Variants in CMTM7 observed in about 807,000 individuals in gnomAD.
The protein encoded by CMTM7 is CKLF like MARVEL transmembrane domain containing 7.
CMTM7 carries 7 observed loss-of-function variants against 19.3 expected under a neutral mutation model. The ratio of observed to expected loss-of-function variants is 0.36; its 90% confidence interval spans 0.21 to 0.68. The LOEUF (loss-of-function observed/expected upper bound fraction) is 0.68, where lower values mean the gene tolerates loss of function less well. CMTM7 is among the 30% of genes least tolerant of loss of function. The pLI is 0.60. For synonymous variants in CMTM7, 87 were observed against 99.3 expected (o/e 0.88, Z 0.74); for missense variants, 193 against 232.6 (o/e 0.83, Z 1.11).
At chr3:32,426,561 G>T (rs914775119) in intron 1 of CMTM7, among the ~76,000 whole-genome samples, 1 of 151,908 alleles carries the variant, frequency 6.6e-6, no homozygotes, top group Admixed American at 6.6e-5. Flanking sequence ...TTAGGGTGGC[G>T]GAAGGGGTGG....
At chr3:32,409,693 G>A (rs2125624432) in intron 1 of CMTM7, among the ~76,000 whole-genome samples, 1 of 152,338 alleles carries the variant, frequency 6.6e-6, no homozygotes, top group South Asian at 2.1e-4. Context: ...ATTAAAGTCA[G>A]TTTGGTGGGA....
intron 4 of CMTM7, among the ~76,000 whole-genome samples, chr3:32,453,709 T>C (rs1696868979): frequency 6.6e-6 from 1 of 152,174 alleles, no homozygotes; most frequent in Non-Finnish European, 1.5e-5. Context: ...CTAATGAGGA[T>C]GAGGCTTCTT....
intron 1 of CMTM7, 77 bp downstream of exon 1, chr3:32,392,142 G>A (rs1695845054): frequency 2.7e-6 from 3 of 1,121,578 alleles, no homozygotes; most frequent in Non-Finnish European, 3.4e-6. Context: ...CGGACGCGCC[G>A]GGCGTCTGGA....
In CMTM7 at chr3:32,392,179, G is replaced by A. The variant is rs959228047; in HGVS notation, c.159+114G>A. On this transcript the variant is annotated intron_variant, in intron 1 of 4. Transcript: ENST00000334983. ...CCGGCCGGAGCCCAGGGAGCATCGC[G>A]CAGCGGGCGGGGCACCGCGTCGCTA... The A allele has an allele frequency of 4.8e-5, 40 of 827,496 alleles. No homozygotes were observed. In the East Asian group the frequency reaches 1.3e-3, roughly 27 times the overall value. The allele number at this position is 827,496 out of a possible 1,614,324, so 51.3% of individuals were successfully genotyped here. A position where few individuals can be genotyped will look rare whatever the true frequency, so the allele number is the denominator to read the frequency against.
chr3:32,432,552 C>T (rs1388880707), intron 1 of CMTM7, among the ~76,000 whole-genome samples: 1 of 152,222 alleles, frequency 6.6e-6, no homozygotes, highest in East Asian at 1.9e-4. Flanking sequence ...GAAGAGGTGC[C>T]TGCTGAGCCG....
chr3:32,408,500 G>C (rs1696120968), intron 1 of CMTM7, among the ~76,000 whole-genome samples: 1 of 152,126 alleles, frequency 6.6e-6, no homozygotes, highest in South Asian at 2.1e-4. Context: ...TTTTTTCCTT[G>C]ATAGCTTATT....
chr3:32,450,968 A>G (rs974879324), intron 3 of CMTM7: 1 of 152,256 alleles, frequency 6.6e-6, no homozygotes, highest in African/African-American at 2.4e-5. Context: ...GACAAGACAC[A>G]TGAAACAATT....
intron 3 of CMTM7, 34 bp from the exon 4 acceptor site, chr3:32,452,358 C>T (rs763344615): frequency 5.0e-6 from 8 of 1,613,994 alleles, no homozygotes; most frequent in Non-Finnish European, 6.8e-6. Context: ...AGCCCTATGG[C>T]CTGTGAACTT....
chr3:32,450,666 AAG>A (rs1339103702), intron 3 of CMTM7, among the ~76,000 whole-genome samples: 1 of 152,100 alleles, frequency 6.6e-6, no homozygotes, highest in Non-Finnish European at 1.5e-5. Flanking sequence ...GCTGTCTCTG[AAG>A]AGAGGGATGG....
intron 1 of CMTM7, among the ~76,000 whole-genome samples, chr3:32,436,501 C>T (rs1696600434): frequency 6.6e-6 from 1 of 152,212 alleles, no homozygotes; most frequent in Non-Finnish European, 1.5e-5. Flanking sequence ...TCATCTGCAT[C>T]TCTGACTTTC....
rs1559417314 is a variant in CMTM7, at chr3:32,454,731, ATGTGGTCAGCC to A, written c.*481_*491del. On this transcript the variant is annotated 3_prime_UTR_variant, in exon 5 of 5. Transcript: ENST00000334983. ...AGTGAGGCGTGCCTGTAGAAACACT[ATGTGGTCAGCC>A]TGTCCCCAAGGAGATCTTGTGTCTC... 3.1e-6 allele frequency: 1 copy of A among 327,276 alleles called. No homozygotes were observed. Among genetic ancestry groups the A allele is most frequent in the Non-Finnish European group, 6.1e-6 (1 of 164,314 alleles). 20.3% of individuals were successfully genotyped at this position (327,276 alleles called of 1,614,324 possible).
At chr3:32,445,669 T>A (rs1394644730) in intron 2 of CMTM7, among the ~76,000 whole-genome samples, 1 of 152,062 alleles carries the variant, frequency 6.6e-6, no homozygotes, top group Non-Finnish European at 1.5e-5. Flanking sequence ...TGCACCACCA[T>A]GCCTGGCTAA....
chr3:32,398,709 C>T (rs1415239400), intron 1 of CMTM7, among the ~76,000 whole-genome samples: 1 of 151,602 alleles, frequency 6.6e-6, no homozygotes, highest in African/African-American at 2.4e-5. Flanking sequence ...CGTTGGCCGG[C>T]GCAGTGGCTC....
At chr3:32,433,834 G>A (rs149478639) in intron 1 of CMTM7, among the ~76,000 whole-genome samples, 76 of 152,228 alleles carry the variant, frequency 5.0e-4, no homozygotes, top group African/African-American at 1.8e-3. Context: ...TAATACAATC[G>A]ATTGACTGAT....
intron 1 of CMTM7, among the ~76,000 whole-genome samples, chr3:32,435,221 G>A (rs1369524905): frequency 6.6e-6 from 1 of 152,126 alleles, no homozygotes; most frequent in African/African-American, 2.4e-5. Flanking sequence ...GGCCAACACG[G>A]TGAAACCCCA....
chr3:32,428,144 G>C (rs754600226), intron 1 of CMTM7, among the ~76,000 whole-genome samples: 1 of 152,208 alleles, frequency 6.6e-6, no homozygotes, highest in Non-Finnish European at 1.5e-5. Context: ...ACAGGAGCAG[G>C]AGAGAAGGAT....
intron 1 of CMTM7, among the ~76,000 whole-genome samples, chr3:32,411,704 C>T (rs191203167): frequency 3.3e-5 from 5 of 152,332 alleles, no homozygotes; most frequent in South Asian, 2.1e-4. Context: ...CTATGACACA[C>T]GTTTTGATGC....
At chr3:32,392,669 C>T (rs1016016946) in intron 1 of CMTM7, among the ~76,000 whole-genome samples, 1 of 152,180 alleles carries the variant, frequency 6.6e-6, no homozygotes, top group South Asian at 2.1e-4. Context: ...AGGGAGGGCC[C>T]GGGTCTCAGG....
chr3:32,454,124 C>A, intron 4 of CMTM7, 117 bp from the exon 5 acceptor site: 1 of 1,120,412 alleles, frequency 8.9e-7, no homozygotes, highest in Non-Finnish European at 1.3e-6. Context: ...CAAGTCGGCA[C>A]TGGGTGGAGG....
Sources: allele counts gnomAD v4.1 joint callset (sites outside exome capture counted in the v4.1 genomes callset), GRCh38; gene constraint gnomAD v4.1.1; transcripts MANE v1.5; gene names NCBI Gene and HGNC (gene_info 2026-07-23, HGNC 2026-07-21).